Variants in C8B observed in about 807,000 individuals in gnomAD.
The protein encoded by C8B is complement component C8 beta chain.
A neutral mutation model predicts 64.6 loss-of-function variants in C8B; 67 were observed. That is an observed-to-expected ratio of 1.04 (90% CI 0.85 to 1.27). The LOEUF is 1.27. Among genes scored for constraint, C8B ranks in the 50% most tolerant of loss-of-function variants. The probability of loss-of-function intolerance (pLI) is 0.00; values close to 1 mark genes in which losing one functional copy is unlikely to be tolerated. For synonymous variants in C8B, 284 were observed against 257.7 expected (o/e 1.10, Z -0.98); for missense variants, 790 against 725.2 (o/e 1.09, Z -1.03).
intron 1 of C8B, among the ~76,000 whole-genome samples, chr1:56,961,730 A>G (rs1201282154): frequency 6.6e-6 from 1 of 152,160 alleles, no homozygotes; most frequent in African/African-American, 2.4e-5. Context: ...TATGTTCTCA[A>G]TTGGCAAAAG....
intron 1 of C8B, among the ~76,000 whole-genome samples, chr1:56,962,195 C>G (rs1645189306): frequency 1.3e-5 from 2 of 152,206 alleles, no homozygotes; most frequent in South Asian, 4.1e-4. Context: ...AAGATGATCA[C>G]TTACGGAAAG....
At chr1:56,959,576 T>C (rs1645147435) in intron 2 of C8B, 1 of 1,535,062 alleles carries the variant, frequency 6.5e-7, no homozygotes, top group Admixed American at 2.0e-5. Flanking sequence ...AAGGCCAGAG[T>C]CATACAAGTG....
intron 5 of C8B, 93 bp downstream of exon 5, chr1:56,951,955 A>C: frequency 1.6e-6 from 1 of 633,370 alleles, no homozygotes. Flanking sequence ...GCTCAAAGAG[A>C]AAAGGGCTAG....
Position 56,929,389 on chromosome 1 carries a change from C to G in C8B, c.*15G>C. 1 of 1,611,954 alleles carries G rather than the reference C, an allele frequency of 6.2e-7. No individual in the cohort carries two copies. The highest frequency in any genetic ancestry group is 8.5e-7 in the Non-Finnish European group (1 of 1,179,780). ...CAGGGCTCTCATTGTATGTAGCCCA[C>G]TGCTGTATCATCTGCTAGGAGCAGT... is the stretch of plus-strand genomic sequence containing the variant. On this transcript the variant is annotated 3_prime_UTR_variant, in exon 12 of 12. Coordinates refer to ENST00000371237, the MANE Select transcript of C8B (RefSeq NM_000066.4).
Position 56,946,402 on chromosome 1 carries a change from G to A in C8B, c.865-341C>T, listed in dbSNP as rs542330691. 5.3e-4 allele frequency among the ~76,000 whole-genome samples: 81 copies of A among 152,266 alleles called. No homozygotes were observed. In the Middle Eastern group the frequency reaches 0.01, roughly 19 times the overall value. ...GGTTTGCTAACCTGCAAAAGTGCCC[G>A]CTTTGCTGATGCCTGTAAACTCTGG... On this transcript the variant is annotated intron_variant, in intron 6 of 11. Transcript: ENST00000371237.
At chr1:56,959,989 G>A (rs1033827818) in intron 2 of C8B, 31 bp downstream of exon 2, 59 of 1,613,430 alleles carry the variant, frequency 3.7e-5, no homozygotes, top group Non-Finnish European at 4.5e-5. Context: ...GCTCCTGGAA[G>A]CTTAGAGCTG....
intron 8 of C8B, among the ~76,000 whole-genome samples, chr1:56,941,266 T>A (rs1644850465): frequency 6.6e-6 from 1 of 152,118 alleles, no homozygotes; most frequent in South Asian, 2.1e-4. Context: ...TAAGTGCTAG[T>A]TTCTGAGTAA....
intron 7 of C8B, among the ~76,000 whole-genome samples, chr1:56,944,631 T>C: frequency 6.6e-6 from 1 of 152,234 alleles, no homozygotes; most frequent in South Asian, 2.1e-4. Context: ...TGGAGTACAT[T>C]CGTGAAACTT....
At chr1:56,955,104 G>A (rs948231123) in intron 3 of C8B, among the ~76,000 whole-genome samples, 4 of 152,140 alleles carry the variant, frequency 2.6e-5, no homozygotes, top group Non-Finnish European at 4.4e-5. Context: ...GGTGGGATGG[G>A]TGTGTCCTGT....
intron 8 of C8B, among the ~76,000 whole-genome samples, chr1:56,942,791 C>T (rs1251364078): frequency 2.0e-5 from 3 of 152,030 alleles, no homozygotes; most frequent in Non-Finnish European, 2.9e-5. Context: ...GCGTCTCTGC[C>T]AGGCATGGTG....
chr1:56,936,513 AATTTTTTT>A (rs1644776950), intron 9 of C8B, among the ~76,000 whole-genome samples: 1 of 64,874 alleles, frequency 1.5e-5, no homozygotes, highest in African/African-American at 5.2e-5. Context: ...ATTTGTGGTA[AATTTTTTT>A]TTTTTTTTTT....
intron 1 of C8B, chr1:56,963,937 C>G: frequency 5.1e-6 from 5 of 985,348 alleles, no homozygotes; most frequent in Non-Finnish European, 6.0e-6. Context: ...GTGGTCTCAG[C>G]ATTTTCTGTT....
chr1:56,957,669 A>G (rs751638633), intron 2 of C8B, among the ~76,000 whole-genome samples: 3 of 152,146 alleles, frequency 2.0e-5, no homozygotes, highest in Non-Finnish European at 4.4e-5. Flanking sequence ...TGAGCCACCC[A>G]GTGTTGAAAA....
At chr1:56,961,507 CTCT>C (rs1446298341) in intron 1 of C8B, among the ~76,000 whole-genome samples, 4 of 152,190 alleles carry the variant, frequency 2.6e-5, no homozygotes, top group Non-Finnish European at 5.9e-5. Context: ...GAGCCGAGGT[CTCT>C]TAGGCTCTAG....
intron 2 of C8B, among the ~76,000 whole-genome samples, chr1:56,958,596 C>T (rs57960578): frequency 6.9e-6 from 1 of 144,942 alleles, no homozygotes; most frequent in Non-Finnish European, 1.5e-5. Context: ...ACTTGAGAGG[C>T]TTTGCTGAGC....
rs1232590398 is a variant in C8B at position 56,959,409 on chromosome 1, A to G, written c.249+611T>C. The stretch of plus-strand genomic sequence containing the variant: ...AAGCTCATAAAAGATTGCTTTATCC[A>G]ACTGGAGGTAGGGCTGAGGAGGAGT... On this transcript the variant is annotated intron_variant, in intron 2 of 11. Transcript: ENST00000371237. 4 of 672,118 alleles carry G rather than the reference A, an allele frequency of 6.0e-6. No homozygotes were observed. The African/African-American group carries it at 7.1e-5, about 12-fold the overall frequency. The allele number at this position is 672,118 out of a possible 1,614,324, so 41.6% of individuals were successfully genotyped here. A position where few individuals can be genotyped will look rare whatever the true frequency, so the allele number is the denominator to read the frequency against.
rs142822254 is a variant in C8B, at chr1:56,952,109, G to A, written c.605C>T (p.Pro202Leu). 9.3e-5 allele frequency: 150 copies of A among 1,614,100 alleles called. No individual in the cohort carries two copies. In the East Asian group the frequency reaches 2.0e-3, roughly 21 times the overall value. ...DHRYYAGGCS[P>L]HYILNTRFRK... ...AAACCTCGTGTTCAGGATGTAATGC[G>A]GGGAGCATCCACCTGCATAATACCT... Residue 202 changes from proline to leucine, a missense_variant, in exon 5 of 12, where the codon CCG becomes CTG. Transcript: ENST00000371237.
chr1:56,938,461 T>C (rs971452764), intron 9 of C8B, among the ~76,000 whole-genome samples: 1 of 152,260 alleles, frequency 6.6e-6, no homozygotes, highest in Non-Finnish European at 1.5e-5. Context: ...TGTATGATAA[T>C]CACAGAAAAT....
At chr1:56,952,339 C>A (rs1645035394) in intron 4 of C8B, among the ~76,000 whole-genome samples, 159 bp from the exon 5 acceptor site, 1 of 152,208 alleles carries the variant, frequency 6.6e-6, no homozygotes, top group South Asian at 2.1e-4. Context: ...TTATGGCCGC[C>A]CTTAACCACA....
Sources: allele counts gnomAD v4.1 joint callset (sites outside exome capture counted in the v4.1 genomes callset), GRCh38; gene constraint gnomAD v4.1.1; transcripts MANE v1.5; gene names NCBI Gene and HGNC (gene_info 2026-07-23, HGNC 2026-07-21).